USP25: variants seen among roughly 807,000 people sequenced by gnomAD.
The protein encoded by USP25 is ubiquitin specific peptidase 25, also known as ubiquitin carboxyl-terminal hydrolase 25.
Under a neutral mutation model 158.5 loss-of-function variants are expected in USP25, and 85 were observed. That is an observed-to-expected ratio of 0.54 (90% CI 0.45 to 0.64). USP25 has a LOEUF of 0.64. Ranked by LOEUF, USP25 falls within the 30% of genes least tolerant of loss-of-function variation. The pLI, the probability that USP25 is intolerant of heterozygous loss-of-function variation, is 0.00. For synonymous variants in USP25, 464 were observed against 460.4 expected, an observed-to-expected ratio of 1.01 and a Z score of -0.10; for missense variants, 1,242 against 1,327.3, an observed-to-expected ratio of 0.94 and a Z score of 1.00.
chr21:15,755,013 G>A (rs947698033), intron 1 of USP25, among the ~76,000 whole-genome samples: 2 of 151,378 alleles, frequency 1.3e-5, no homozygotes, highest in Non-Finnish European at 2.9e-5. Context: ...GCAAAATCAG[G>A]TGTGTGTGTG....
intron 7 of USP25, among the ~76,000 whole-genome samples, chr21:15,808,338 A>T (rs1036426559): frequency 1.3e-5 from 2 of 151,830 alleles, no homozygotes; most frequent in Non-Finnish European, 2.9e-5. Flanking sequence ...TGGCTTAAAA[A>T]GTTGTGTGTG....
intron 4 of USP25, among the ~76,000 whole-genome samples, chr21:15,789,963 C>G (rs1474363733): frequency 1.3e-5 from 2 of 151,946 alleles, no homozygotes; most frequent in Non-Finnish European, 2.9e-5. Context: ...TCAGTTTGTT[C>G]AGGTTATTAT....
chr21:15,861,579 C>T (rs1366746771), intron 20 of USP25, among the ~76,000 whole-genome samples: 3 of 151,238 alleles, frequency 2.0e-5, no homozygotes, highest in Non-Finnish European at 3.0e-5. Context: ...TAGAACTCTG[C>T]TAAATATACT....
In USP25 at chr21:15,798,874, T is replaced by C. The variant is rs546765373; in HGVS notation, c.556-883T>C. ...TCCTCATTGATTTGTGGTGCCACCTTTACCTTCTGTCAAGTTGGCTGACTC... is the reference window on the plus strand; with the variant it reads ...TCCTCATTGATTTGTGGTGCCACCTCTACCTTCTGTCAAGTTGGCTGACTC... On this transcript the variant is annotated intron_variant, in intron 5 of 25. Transcript: ENST00000400183. 4.6e-5 allele frequency among the ~76,000 whole-genome samples: 7 copies of C among 151,358 alleles called. No homozygotes were observed. In the East Asian group the frequency reaches 1.4e-3, roughly 29 times the overall value.
intron 1 of USP25, among the ~76,000 whole-genome samples, chr21:15,736,667 G>T (rs1443611717): frequency 1.3e-5 from 2 of 149,406 alleles, no homozygotes; most frequent in Admixed American, 1.3e-4. Flanking sequence ...AGCTTTTTTC[G>T]GTAACATAAA....
intron 20 of USP25, among the ~76,000 whole-genome samples, chr21:15,860,352 A>G (rs557703074): frequency 2.6e-5 from 4 of 152,116 alleles, no homozygotes; most frequent in East Asian, 1.9e-4. Flanking sequence ...ACAGGGTTTC[A>G]CTGTGTTGGC....
chr21:15,865,411 A>T (rs144811693), intron 21 of USP25, among the ~76,000 whole-genome samples: 1 of 152,210 alleles, frequency 6.6e-6, no homozygotes. Context: ...GATTGATCCT[A>T]CCTTATTAGA....
chr21:15,830,635 AAATT>A (rs1265862251), intron 15 of USP25, 34 bp downstream of exon 15: 3 of 1,449,792 alleles, frequency 2.1e-6, no homozygotes, highest in South Asian at 2.6e-5. Flanking sequence ...ATCATTGTCA[AAATT>A]ATTTACATAT....
At chr21:15,791,688 T>G in intron 5 of USP25, 24 bp downstream of exon 5, 1 of 1,594,386 alleles carries the variant, frequency 6.3e-7, no homozygotes. Context: ...TTTATTCAGT[T>G]CTTATTTGAT....
intron 24 of USP25, chr21:15,876,278 C>T (rs1049703536): frequency 6.6e-6 from 1 of 152,098 alleles, no homozygotes; most frequent in Non-Finnish European, 1.5e-5. Flanking sequence ...GAAGATTTAT[C>T]TCATTTTATT....
chr21:15,733,131 GCCCCC>G (rs71185504), intron 1 of USP25, among the ~76,000 whole-genome samples: 6 of 8,134 alleles, frequency 7.4e-4, no homozygotes, highest in Non-Finnish European at 6.5e-4. Flanking sequence ...ACTCCACGGC[GCCCCC>G]CCCCCCCCCC....
chr21:15,805,363 C>T (rs931804849), intron 7 of USP25, 105 bp downstream of exon 7: 4 of 1,155,460 alleles, frequency 3.5e-6, no homozygotes, highest in Non-Finnish European at 2.3e-6. Flanking sequence ...CATGATTCTG[C>T]TTTATTAAAA....
rs535268383 is a variant in USP25 at position 15,746,880 on chromosome 21, G to A, written c.46-16011G>A. Among the ~76,000 whole-genome samples, 5 of 152,236 alleles carry A rather than the reference G, an allele frequency of 3.3e-5. No homozygotes were observed. In the South Asian group the frequency reaches 1.0e-3, roughly 32 times the overall value. On this transcript the variant is annotated intron_variant, in intron 1 of 25. Transcript: ENST00000400183. Reference sequence around the variant, plus strand: ...TTCTCTAAAATGTTTAATAGAAGTGGTAATGACAGACATCTTTGTCTTGTT... The same window carrying A: ...TTCTCTAAAATGTTTAATAGAAGTGATAATGACAGACATCTTTGTCTTGTT...
intron 18 of USP25, among the ~76,000 whole-genome samples, chr21:15,844,944 T>A (rs2038509181): frequency 6.6e-6 from 1 of 152,200 alleles, no homozygotes; most frequent in Non-Finnish European, 1.5e-5. Context: ...AATTAACTTC[T>A]TGTTTATGTA....
chr21:15,866,220 T>TATAC (rs1555865638), intron 21 of USP25, 46 bp from the exon 22 acceptor site: 81 of 1,117,432 alleles, frequency 7.2e-5, no homozygotes, highest in South Asian at 3.5e-4. Flanking sequence ...TATATATATA[T>TATAC]ACACACACAT....
chr21:15,806,251 C>T (rs879930876), intron 7 of USP25, among the ~76,000 whole-genome samples: 60 of 151,898 alleles, frequency 4.0e-4, no homozygotes, highest in Non-Finnish European at 6.3e-4. Context: ...CCATCATTTT[C>T]GGGCATTCAG....
rs368036507 is a variant in USP25 at position 15,763,022 on chromosome 21, C to A, written c.123+54C>A. The stretch of plus-strand genomic sequence containing the variant: ...TTGTGGTATATGCTCATCTCTAGTG[C>A]GTATTATATTTGATAGTTGATTTTT... On this transcript the variant is annotated intron_variant, in intron 2 of 25. Coordinates refer to ENST00000400183, the MANE Select transcript of USP25 (RefSeq NM_001283041.3). The A allele has an allele frequency of 1.3e-4, 188 of 1,474,454 alleles. 1 individual carries two copies. The highest frequency in any genetic ancestry group is 1.5e-4 in the Non-Finnish European group (166 of 1,091,294). 91.3% of individuals were successfully genotyped at this position (1,474,454 alleles called of 1,614,324 possible).
At position 15,808,466 on chromosome 21, in the gene USP25, A is replaced by G. The variant is rs145176273; in HGVS notation, c.781-343A>G. Among the ~76,000 whole-genome samples, 87 of 152,316 alleles carry G rather than the reference A, an allele frequency of 5.7e-4. No homozygotes were observed. In the East Asian group the frequency reaches 0.013, roughly 24 times the overall value. On this transcript the variant is annotated intron_variant, in intron 7 of 25. Coordinates refer to ENST00000400183, the MANE Select transcript of USP25 (RefSeq NM_001283041.3). The stretch of plus-strand genomic sequence containing the variant: ...TTTGCTAAGATGATTTCTTCATTTT[A>G]TAAAGATTCATTACAGAGCTCTTTG...
rs568227741 is a variant in USP25, at chr21:15,766,928, T to A, written c.268+787T>A. On this transcript the variant is annotated intron_variant, in intron 3 of 25. Coordinates refer to ENST00000400183, the MANE Select transcript of USP25 (RefSeq NM_001283041.3). This position sits in a 1 kb window ranked among gnomAD's most constrained non-coding sequence, Gnocchi z 4.0. ...AAGTTAGGAAGCAACCAGAAAAGAG[T>A]TCGTTTACATAGATGTTTATTAATG... 2.0e-5 allele frequency among the ~76,000 whole-genome samples: 3 copies of A among 152,076 alleles called. No individual in the cohort carries two copies. Among genetic ancestry groups the A allele is most frequent in the Admixed American group, 2.0e-4 (3 of 15,268 alleles).
Sources: allele counts gnomAD v4.1 joint callset (sites outside exome capture counted in the v4.1 genomes callset), GRCh38; gene constraint gnomAD v4.1.1; non-coding constraint Gnocchi (gnomAD v3.1); transcripts MANE v1.5; gene names NCBI Gene and HGNC (gene_info 2026-07-23, HGNC 2026-07-21).